Variants in CADM2 observed in about 807,000 individuals in gnomAD.
CADM2 encodes cell adhesion molecule 2.
In CADM2, 12 loss-of-function variants were observed where a neutral mutation model predicts 49.8. The ratio of observed to expected loss-of-function variants is 0.24; its 90% CI spans 0.15 to 0.39. CADM2 has a LOEUF of 0.39. CADM2 is among the 10% of genes least tolerant of loss of function. The pLI is 1.00. For synonymous variants in CADM2, 214 were observed against 175.4 expected, an observed-to-expected ratio of 1.22 and a Z score of -1.74; for missense variants, 378 against 492.3, an observed-to-expected ratio of 0.77 and a Z score of 2.20.
At chr3:85,413,072 C>T (rs1189015730) in intron 1 of CADM2, among the ~76,000 whole-genome samples, 2 of 130,708 alleles carry the variant, frequency 1.5e-5, no homozygotes, top group Admixed American at 8.9e-5. Flanking sequence ...ACCCGGAAGG[C>T]GGAGCTTGCA....
intron 6 of CADM2, among the ~76,000 whole-genome samples, chr3:85,930,034 T>C (rs1381523071): frequency 6.6e-6 from 1 of 152,028 alleles, no homozygotes; most frequent in Non-Finnish European, 1.5e-5. Flanking sequence ...AAAAGGCATT[T>C]AGTGAGTATT....
At chr3:85,373,504 G>A (rs996832829) in intron 1 of CADM2, among the ~76,000 whole-genome samples, 40 of 152,046 alleles carry the variant, frequency 2.6e-4, no homozygotes, top group African/African-American at 9.4e-4. Flanking sequence ...CAAGCTTTGG[G>A]TGGATCTACC....
intron 5 of CADM2, among the ~76,000 whole-genome samples, chr3:85,897,735 T>A (rs1170303426): frequency 6.6e-6 from 1 of 152,232 alleles, no homozygotes; most frequent in East Asian, 1.9e-4. Context: ...AAACTGGTTT[T>A]GTCCTAAGGA....
At chr3:85,206,601 C>T (rs2041648630) in intron 1 of CADM2, among the ~76,000 whole-genome samples, 1 of 152,104 alleles carries the variant, frequency 6.6e-6, no homozygotes, top group Non-Finnish European at 1.5e-5. Flanking sequence ...GCCACCGCGC[C>T]CGGCCGAATT....
chr3:85,083,562 T>C (rs2107505898), intron 1 of CADM2, among the ~76,000 whole-genome samples: 1 of 152,236 alleles, frequency 6.6e-6, no homozygotes, highest in East Asian at 1.9e-4. Context: ...GTCAATGAAG[T>C]TGACAATGAA....
intron 1 of CADM2, among the ~76,000 whole-genome samples, chr3:85,658,572 ATGTG>A (rs1202544525): frequency 1.0e-5 from 1 of 100,104 alleles, no homozygotes; most frequent in East Asian, 3.2e-4. Flanking sequence ...TATTGGATAT[ATGTG>A]TATATATATA....
chr3:85,741,889 T>C (rs1019378814), intron 2 of CADM2, among the ~76,000 whole-genome samples: 1 of 152,236 alleles, frequency 6.6e-6, no homozygotes, highest in African/African-American at 2.4e-5. Flanking sequence ...ATTTCATAAA[T>C]CAGTTGAATT....
intron 1 of CADM2, among the ~76,000 whole-genome samples, chr3:85,528,951 A>C (rs2061235044): frequency 6.6e-6 from 1 of 152,212 alleles, no homozygotes; most frequent in Non-Finnish European, 1.5e-5. Context: ...TGAACCTGGA[A>C]ATAGTTAGCT....
intron 1 of CADM2, among the ~76,000 whole-genome samples, chr3:85,364,237 CA>C (rs2032579372): frequency 6.6e-6 from 1 of 152,120 alleles, no homozygotes; most frequent in Non-Finnish European, 1.5e-5. Context: ...TCTACTATAT[CA>C]ATTTTTATTT....
chr3:85,274,491 G>T (rs1165334882), intron 1 of CADM2, among the ~76,000 whole-genome samples: 1 of 151,348 alleles, frequency 6.6e-6, no homozygotes, highest in Non-Finnish European at 1.5e-5. Flanking sequence ...TAAGAGGAAG[G>T]ATGTTTAAGT....
chr3:85,209,954 G>T (rs913092365), intron 1 of CADM2, among the ~76,000 whole-genome samples: 2 of 152,140 alleles, frequency 1.3e-5, no homozygotes, highest in African/African-American at 4.8e-5. Context: ...TTATTTTGAT[G>T]ATTTAAATAC....
rs529607392 is a variant in CADM2 at position 85,564,558 on chromosome 3, C to T, written c.62-161964C>T. Among the ~76,000 whole-genome samples the T allele has an allele frequency of 1.5e-4, 23 of 151,918 alleles. No homozygotes were observed. The South Asian group carries it at 3.3e-3, about 22-fold the overall frequency. On this transcript the variant is annotated intron_variant, in intron 1 of 9. Transcript: ENST00000383699. ...ATCTCTCTTTTACACTTTAATGATA[C>T]GATTTAAATAAGATATGTAATAGAT...
At chr3:85,541,432 T>A (rs1250761981) in intron 1 of CADM2, among the ~76,000 whole-genome samples, 1 of 150,722 alleles carries the variant, frequency 6.6e-6, no homozygotes. Context: ...AGTTTTGACA[T>A]GTATTATTAA....
intron 8 of CADM2, among the ~76,000 whole-genome samples, chr3:86,016,564 C>T (rs1309328381): frequency 1.3e-5 from 2 of 152,104 alleles, no homozygotes; most frequent in African/African-American, 4.8e-5. Flanking sequence ...TAGGAAAAAG[C>T]TAGCACAAAT....
At chr3:85,484,480 C>T (rs573413069) in intron 1 of CADM2, among the ~76,000 whole-genome samples, 2 of 152,020 alleles carry the variant, frequency 1.3e-5, no homozygotes, top group South Asian at 4.1e-4. Flanking sequence ...ATCTATACAA[C>T]CTTGCATTTT....
chr3:85,255,196 C>T (rs1667879523), intron 1 of CADM2, among the ~76,000 whole-genome samples: 1 of 152,024 alleles, frequency 6.6e-6, no homozygotes, highest in Non-Finnish European at 1.5e-5. Context: ...TCCGTACACT[C>T]CTTTATTTCC....
At chr3:85,086,810 G>T (rs191994289) in intron 1 of CADM2, among the ~76,000 whole-genome samples, 100 of 152,144 alleles carry the variant, frequency 6.6e-4, no homozygotes, top group African/African-American at 2.3e-3. Context: ...CATCCATCCA[G>T]AATAAACTTT....
intron 1 of CADM2, among the ~76,000 whole-genome samples, chr3:85,081,319 C>T (rs998378875): frequency 1.3e-5 from 2 of 152,092 alleles, no homozygotes; most frequent in Non-Finnish European, 2.9e-5. Flanking sequence ...AGATTAGCTT[C>T]TATCAAAAAC....
chr3:85,114,943 A>C (rs1419330279), intron 1 of CADM2, among the ~76,000 whole-genome samples: 1 of 152,148 alleles, frequency 6.6e-6, no homozygotes, highest in African/African-American at 2.4e-5. Context: ...TATTCATATA[A>C]TGGGGCCTAA....
Sources: allele counts gnomAD v4.1 joint callset (sites outside exome capture counted in the v4.1 genomes callset), GRCh38; gene constraint gnomAD v4.1.1; transcripts MANE v1.5; gene names NCBI Gene and HGNC (gene_info 2026-07-23, HGNC 2026-07-21).